Variants in KIF5C observed in about 807,000 individuals in gnomAD.
KIF5C encodes kinesin heavy chain isoform 5C.
Under a neutral mutation model 125.2 loss-of-function variants are expected in KIF5C, and 18 were observed. The observed-to-expected ratio is 0.14, with a 90% CI of 0.10 to 0.21. The LOEUF (loss-of-function observed/expected upper bound fraction) is 0.21. KIF5C is among the 10% of genes least tolerant of loss of function. The pLI is 1.00. For synonymous variants in KIF5C, 405 were observed against 434.0 expected (o/e 0.93, Z 0.83); for missense variants, 780 against 1,183.8 (o/e 0.66, Z 5.01).
chr2:148,943,737 A>T (rs766220548), intron 7 of KIF5C, among the ~76,000 whole-genome samples: 10 of 152,148 alleles, frequency 6.6e-5, no homozygotes, highest in Admixed American at 2.0e-4. Context: ...TGTAAAAGAG[A>T]TTCAGGCATT....
chr2:148,973,614 T>A (rs1680980386), intron 12 of KIF5C, 103 bp downstream of exon 12: 1 of 1,430,908 alleles, frequency 7.0e-7, no homozygotes, highest in African/African-American at 1.4e-5. Flanking sequence ...CCGATCTTTG[T>A]TTCTGGTTTC....
At chr2:148,947,260 A>T (rs1449336926) in intron 8 of KIF5C, 1 of 523,030 alleles carries the variant, frequency 1.9e-6, no homozygotes, top group South Asian at 2.8e-5. Context: ...TTTATCCCTG[A>T]TGGGCCCTTA....
intron 12 of KIF5C, among the ~76,000 whole-genome samples, chr2:148,974,986 A>C (rs943383753): frequency 6.6e-6 from 1 of 152,254 alleles, no homozygotes; most frequent in Non-Finnish European, 1.5e-5. Context: ...CAGAGAGATG[A>C]AAATGCCATG....
chr2:148,963,727 G>A (rs920068351), intron 11 of KIF5C, among the ~76,000 whole-genome samples: 2 of 152,132 alleles, frequency 1.3e-5, no homozygotes, highest in Admixed American at 1.3e-4. Context: ...AGGACATTCA[G>A]TAAAGCCTTT....
chr2:148,969,135 T>A (rs1680826024), intron 11 of KIF5C, among the ~76,000 whole-genome samples: 1 of 151,544 alleles, frequency 6.6e-6, no homozygotes, highest in South Asian at 2.1e-4. Context: ...TTTCTTTCTT[T>A]AAAAAAAAAC....
At chr2:148,996,602 C>CCCG (rs779567988) in intron 17 of KIF5C, among the ~76,000 whole-genome samples, 3 of 152,210 alleles carry the variant, frequency 2.0e-5, no homozygotes, top group Non-Finnish European at 4.4e-5. Context: ...GCTGGGGCTG[C>CCCG]CCATTGCACC....
chr2:148,957,089 C>T (rs914875242), intron 10 of KIF5C, among the ~76,000 whole-genome samples: 1 of 152,202 alleles, frequency 6.6e-6, no homozygotes, highest in African/African-American at 2.4e-5. Context: ...CAAAACCTGC[C>T]TTAAGAGCAC....
At position 149,015,800 on chromosome 2, in the gene KIF5C, G is replaced by A. The variant is rs537328120; in HGVS notation, c.*7+4117G>A. Among the ~76,000 whole-genome samples, 10 of 152,316 alleles carry A rather than the reference G, an allele frequency of 6.6e-5. No homozygotes were observed. The East Asian group carries it at 9.6e-4, about 15-fold the overall frequency. ...TTCTGTCAGCTTTAGGTTTCCTACC[G>A]GCTAAGTGGGATCAGGCATTGAGAG... On this transcript the variant is annotated intron_variant, in intron 25 of 25. Coordinates refer to ENST00000435030, the MANE Select transcript of KIF5C (RefSeq NM_004522.3).
chr2:148,940,685 G>A (rs997266517), intron 4 of KIF5C, among the ~76,000 whole-genome samples: 3 of 152,188 alleles, frequency 2.0e-5, no homozygotes, highest in Admixed American at 2.0e-4. Flanking sequence ...TATGAACATA[G>A]GGCAGATAAG....
At position 148,981,425 on chromosome 2, in the gene KIF5C, A is replaced by T; in HGVS notation, c.1433A>T (p.Glu478Val). ...CTGACACGTCTCCAGATTGAAAATG[A>T]GGCAGCCAAGGATGAGGTGAAAGAA... ...EELTRLQIEN[E>V]AAKDEVKEVL... The change falls in exon 14 of 26, where the codon GAG becomes GTG. Residue 478 changes from glutamate (E) to valine (V), a missense_variant. Physicochemically the swap from Glu to Val is moderately radical, Grantham distance 121 (BLOSUM62 -2). This residue lies in a region of KIF5C where 573 missense variants were observed against 742.6 expected (regional missense o/e 0.77). Coordinates refer to ENST00000435030, the MANE Select transcript of KIF5C (RefSeq NM_004522.3). 1 of 1,610,440 alleles carries T rather than the reference A, an allele frequency of 6.2e-7. No homozygotes were observed. Among genetic ancestry groups the T allele is most frequent in the Non-Finnish European group, 8.5e-7 (1 of 1,178,430 alleles).
At chr2:148,950,016 C>T (rs758518207) in intron 9 of KIF5C, 73 bp downstream of exon 9, 27 of 1,526,200 alleles carry the variant, frequency 1.8e-5, no homozygotes, top group Non-Finnish European at 2.3e-5. Context: ...AGTCCCTTTG[C>T]CACACACCCC....
intron 17 of KIF5C, among the ~76,000 whole-genome samples, chr2:148,996,097 A>G (rs1007787892): frequency 2.6e-5 from 4 of 152,150 alleles, no homozygotes; most frequent in African/African-American, 9.7e-5. Context: ...GGAGGTTGTA[A>G]TGAGCCGATA....
chr2:148,946,399 T>C (rs1231537091), intron 7 of KIF5C, among the ~76,000 whole-genome samples: 3 of 152,174 alleles, frequency 2.0e-5, no homozygotes, highest in Admixed American at 1.3e-4. Flanking sequence ...GCTGTTAGCA[T>C]AGGTTGTAGA....
At chr2:148,992,268 A>T (rs1157094335) in intron 16 of KIF5C, among the ~76,000 whole-genome samples, 2 of 152,242 alleles carry the variant, frequency 1.3e-5, no homozygotes, top group Non-Finnish European at 2.9e-5. Flanking sequence ...TGTGATAGTA[A>T]AATTGATATA....
intron 1 of KIF5C, among the ~76,000 whole-genome samples, chr2:148,920,114 A>G (rs1470991219): frequency 6.6e-6 from 1 of 152,154 alleles, no homozygotes; most frequent in Non-Finnish European, 1.5e-5. Flanking sequence ...TTTTTGTACC[A>G]TGTGCTATAA....
intron 15 of KIF5C, 29 bp from the exon 16 acceptor site, chr2:148,990,981 C>T (rs1681508899): frequency 6.3e-7 from 1 of 1,598,828 alleles, no homozygotes; most frequent in Non-Finnish European, 8.5e-7. Flanking sequence ...TTGTGGGCAA[C>T]ATTTGAGTGT....
intron 1 of KIF5C, among the ~76,000 whole-genome samples, chr2:148,916,501 G>T (rs117312764): frequency 6.6e-6 from 1 of 152,186 alleles, no homozygotes; most frequent in Non-Finnish European, 1.5e-5. Flanking sequence ...CTTAGGTGTC[G>T]TGAGGATAAT....
In KIF5C at chr2:148,949,486, C is replaced by T. The variant is rs948723198; in HGVS notation, c.715-353C>T. On this transcript the variant is annotated intron_variant, in intron 8 of 25. Coordinates refer to ENST00000435030, the MANE Select transcript of KIF5C (RefSeq NM_004522.3). ...TTCATGCTTCCCTCTGGGCTCCCTT[C>T]GGCATGGGGACTGCGGCTCAGTCTC... Among the ~76,000 whole-genome samples, 7 of 152,280 alleles carry T rather than the reference C, an allele frequency of 4.6e-5. No individual in the cohort carries two copies. The East Asian group carries it at 5.8e-4, about 13-fold the overall frequency.
intron 3 of KIF5C, among the ~76,000 whole-genome samples, chr2:148,932,050 G>T (rs1282849852): frequency 6.6e-6 from 1 of 152,256 alleles, no homozygotes; most frequent in East Asian, 1.9e-4. Context: ...AAAGGTAGGG[G>T]ATATTTTCAG....
Sources: allele counts gnomAD v4.1 joint callset (sites outside exome capture counted in the v4.1 genomes callset), GRCh38; gene constraint gnomAD v4.1.1; regional missense constraint gnomAD v4.1.1; transcripts MANE v1.5; gene names NCBI Gene and HGNC (gene_info 2026-07-23, HGNC 2026-07-21).